The following BMAL1 variants were observed in gnomAD, a reference collection of about 807,000 sequenced individuals.
BMAL1 encodes the protein basic helix-loop-helix ARNT like 1, also known as basic helix-loop-helix ARNT-like protein 1.
At chr11:13,369,725 G>A in the BMAL1 span, 3 of 1,613,880 alleles carry the variant, frequency 1.9e-6, no homozygotes, top group South Asian at 1.1e-5. Context: ...TTCAGTAAAG[G>A]TTGAAGACAA....
At chr11:13,283,807 C>T in the BMAL1 span, among the ~76,000 whole-genome samples, 1 of 152,122 alleles carries the variant, frequency 6.6e-6, no homozygotes. Context: ...TCCTCACATC[C>T]TGTTATGCAT....
At chr11:13,385,941 T>A in the BMAL1 span, 1 of 674,958 alleles carries the variant, frequency 1.5e-6, no homozygotes, top group Non-Finnish European at 2.4e-6. Context: ...TTTAAATCTC[T>A]AAAAAGTTGA....
chr11:13,277,018 T>G, the BMAL1 span: 1 of 152,226 alleles, frequency 6.6e-6, no homozygotes, highest in Non-Finnish European at 1.5e-5. Context: ...TCTTTGGAAC[T>G]ACGGGAATGA....
At chr11:13,359,226 TATATC>T in the BMAL1 span, among the ~76,000 whole-genome samples, 1 of 152,150 alleles carries the variant, frequency 6.6e-6, no homozygotes, top group African/African-American at 2.4e-5. Context: ...AAATCTGAAA[TATATC>T]AGGCATTTTA....
chr11:13,333,764 G>A, the BMAL1 span, among the ~76,000 whole-genome samples: 1 of 152,280 alleles, frequency 6.6e-6, no homozygotes, highest in East Asian at 1.9e-4. Context: ...TATTCTGACC[G>A]CAGATCTGCC....
At chr11:13,358,328 C>T in the BMAL1 span, 1 of 1,259,802 alleles carries the variant, frequency 7.9e-7, no homozygotes, top group South Asian at 2.2e-5. Context: ...CTAAATTTGC[C>T]TTGTCAGATG....
chr11:13,361,972 G>A, the BMAL1 span, among the ~76,000 whole-genome samples: 2 of 152,184 alleles, frequency 1.3e-5, no homozygotes, highest in African/African-American at 4.8e-5. Flanking sequence ...GTGTCACTTG[G>A]TCACGCCTAG....
chr11:13,360,465 A>G, the BMAL1 span: 1 of 1,575,212 alleles, frequency 6.3e-7, no homozygotes, highest in Non-Finnish European at 8.7e-7. Context: ...GTTTGTTTTT[A>G]TAAATTTTCA....
the BMAL1 span, among the ~76,000 whole-genome samples, chr11:13,289,171 T>C: frequency 0.65 from 99,186 of 152,048 alleles, 32,676 homozygotes; most frequent in Non-Finnish European, 0.71. Flanking sequence ...AAGGAAAGAA[T>C]AGGCATTTTG....
the BMAL1 span, among the ~76,000 whole-genome samples, chr11:13,292,546 CA>C: frequency 5.9e-5 from 5 of 84,114 alleles, no homozygotes; most frequent in African/African-American, 1.4e-4. Context: ...GACTCCATCT[CA>C]AAAAAAAAAA....
chr11:13,280,225 G>T, the BMAL1 span, among the ~76,000 whole-genome samples: 1 of 152,236 alleles, frequency 6.6e-6, no homozygotes, highest in East Asian at 1.9e-4. Context: ...CATTTCAAAT[G>T]ATTTATAAAA....
chr11:13,374,225 C>T, the BMAL1 span: 1 of 1,600,034 alleles, frequency 6.2e-7, no homozygotes, highest in Admixed American at 1.7e-5. Flanking sequence ...TATGAAAGAT[C>T]TTAAGTTGAA....
chr11:13,383,364 A>G, the BMAL1 span, among the ~76,000 whole-genome samples: 1 of 152,216 alleles, frequency 6.6e-6, no homozygotes, highest in Non-Finnish European at 1.5e-5. Context: ...TATTTTCTTA[A>G]TAACATTAAA....
At chr11:13,369,820 G>T in the BMAL1 span, 1 of 1,580,868 alleles carries the variant, frequency 6.3e-7, no homozygotes, top group African/African-American at 1.4e-5. Flanking sequence ...CATGCTTTCT[G>T]CAGCGGAGCT....
the BMAL1 span, among the ~76,000 whole-genome samples, chr11:13,318,050 T>C: frequency 6.6e-6 from 1 of 152,254 alleles, no homozygotes; most frequent in Admixed American, 6.5e-5. Context: ...GTCTTCCTTG[T>C]GGCAGTGCGG....
the BMAL1 span, among the ~76,000 whole-genome samples, chr11:13,336,274 AT>A: frequency 1.3e-5 from 2 of 151,900 alleles, no homozygotes; most frequent in African/African-American, 2.4e-5. Flanking sequence ...TGCAATCTCT[AT>A]TTTTTTCACT....
the BMAL1 span, among the ~76,000 whole-genome samples, chr11:13,334,814 G>T: frequency 6.6e-6 from 1 of 152,160 alleles, no homozygotes. Context: ...GCTCTTCCAG[G>T]AGTCTAGAGA....
At chr11:13,311,775 G>T in the BMAL1 span, among the ~76,000 whole-genome samples, 1 of 152,118 alleles carries the variant, frequency 6.6e-6, no homozygotes, top group Admixed American at 6.5e-5. Flanking sequence ...TTGAGGTGTG[G>T]TGTTCGTAAC....
the BMAL1 span, among the ~76,000 whole-genome samples, chr11:13,325,657 T>TTGTGTGTGTGTG: frequency 0.032 from 4,304 of 134,330 alleles, 100 homozygotes; most frequent in Middle Eastern, 0.05. Context: ...TTGAGACCTT[T>TTGTGTGTGTGTG]TGTGTGTGTG....
Sources: gnomAD v4.1 joint callset for allele counts (sites outside exome capture counted in the v4.1 genomes callset) on GRCh38, gnomAD v4.1.1 for gene constraint, MANE v1.5 for transcripts, NCBI Gene and HGNC (gene_info 2026-07-23, HGNC 2026-07-21) for gene names.